The following GLIS1 variants were observed in gnomAD, a reference collection of about 807,000 sequenced individuals.
The protein encoded by GLIS1 is zinc finger protein GLIS1.
Under a neutral mutation model 63.8 loss-of-function variants are expected in GLIS1, and 24 were observed. That is an observed-to-expected ratio of 0.38 (90% confidence interval 0.27 to 0.53). The LOEUF is 0.53. Among genes scored for constraint, GLIS1 ranks in the 20% least tolerant of loss-of-function variants. The pLI, the probability that GLIS1 is intolerant of heterozygous loss-of-function variation, is 0.85. For missense variants in GLIS1, 1,036 were observed against 1,074.1 expected (o/e 0.96, Z 0.50); for synonymous variants, 450 against 482.5 (o/e 0.93, Z 0.88).
chr1:53,565,327 A>ATTTTTG (rs1644928027), intron 4 of GLIS1, among the ~76,000 whole-genome samples: 1 of 152,098 alleles, frequency 6.6e-6, no homozygotes, highest in Non-Finnish European at 1.5e-5. Flanking sequence ...CCATTTCAGA[A>ATTTTTG]ATTACAAAAG....
chr1:53,695,616 T>C (rs1476561400), intron 2 of GLIS1, among the ~76,000 whole-genome samples: 1 of 152,096 alleles, frequency 6.6e-6, no homozygotes, highest in Non-Finnish European at 1.5e-5. Flanking sequence ...CTCCACCCTG[T>C]GTCCTGGGAG....
chr1:53,680,966 C>T (rs1045046950), intron 2 of GLIS1, among the ~76,000 whole-genome samples: 26 of 152,224 alleles, frequency 1.7e-4, no homozygotes, highest in African/African-American at 6.0e-4. Flanking sequence ...AACACATCTA[C>T]CCTGAGCAGA....
intron 2 of GLIS1, among the ~76,000 whole-genome samples, chr1:53,602,185 G>C (rs1480715755): frequency 6.6e-6 from 1 of 152,156 alleles, no homozygotes; most frequent in African/African-American, 2.4e-5. Context: ...TTAATAACTG[G>C]GTTGTTTTTT....
chr1:53,586,167 G>A (rs1569869247), intron 4 of GLIS1, among the ~76,000 whole-genome samples: 1 of 152,170 alleles, frequency 6.6e-6, no homozygotes, highest in African/African-American at 2.4e-5. Context: ...TCCTTGTTAA[G>A]CCCAAGCCCC....
chr1:53,697,921 T>C (rs918026786), intron 2 of GLIS1, among the ~76,000 whole-genome samples: 11 of 152,144 alleles, frequency 7.2e-5, no homozygotes, highest in Admixed American at 7.2e-4. Context: ...GAACACTCTA[T>C]GTAAAATACA....
At chr1:53,543,221 CT>C (rs1644662208) in intron 4 of GLIS1, among the ~76,000 whole-genome samples, 1 of 150,996 alleles carries the variant, frequency 6.6e-6, no homozygotes, top group African/African-American at 2.5e-5. Flanking sequence ...ACAGAGAGCA[CT>C]AGCAGTCCTC....
chr1:53,522,418 C>T (rs116649612), intron 6 of GLIS1, among the ~76,000 whole-genome samples: 584 of 152,320 alleles, frequency 3.8e-3, no homozygotes, highest in African/African-American at 0.013. Flanking sequence ...GGCACTGGTC[C>T]GCTTGGGACA....
At chr1:53,508,359 C>T (rs72893315) in intron 10 of GLIS1, among the ~76,000 whole-genome samples, 2,541 of 152,282 alleles carry the variant, frequency 0.017, 78 homozygotes, top group African/African-American at 0.058. Context: ...CCTGTCCCTC[C>T]ACCCTCCCGC....
At chr1:53,588,246 G>T (rs1363228875) in intron 4 of GLIS1, among the ~76,000 whole-genome samples, 1 of 152,108 alleles carries the variant, frequency 6.6e-6, no homozygotes, top group African/African-American at 2.4e-5. Context: ...AGATTCAAAA[G>T]CAGTGTTCTT....
intron 2 of GLIS1, among the ~76,000 whole-genome samples, chr1:53,657,616 G>A (rs1008690741): frequency 3.3e-5 from 5 of 152,280 alleles, no homozygotes; most frequent in Middle Eastern, 3.4e-3. Context: ...AAGGCTATGT[G>A]GAGGGGGAGA....
intron 2 of GLIS1, among the ~76,000 whole-genome samples, chr1:53,716,805 A>C (rs1646702716): frequency 6.6e-6 from 1 of 152,136 alleles, no homozygotes. Flanking sequence ...CCGGCAGTAG[A>C]GAAATTATAT....
At chr1:53,626,305 C>T (rs1410585929) in intron 2 of GLIS1, among the ~76,000 whole-genome samples, 1 of 152,184 alleles carries the variant, frequency 6.6e-6, no homozygotes, top group Non-Finnish European at 1.5e-5. Flanking sequence ...CAGCCTCCCT[C>T]CACCACACCC....
intron 2 of GLIS1, among the ~76,000 whole-genome samples, chr1:53,689,295 C>T (rs998946743): frequency 1.3e-5 from 2 of 152,146 alleles, no homozygotes; most frequent in African/African-American, 4.8e-5. Context: ...GGGAAGGAGG[C>T]CTCAGAGGCT....
intron 4 of GLIS1, among the ~76,000 whole-genome samples, chr1:53,570,951 T>C (rs142132124): frequency 1.2e-4 from 18 of 152,146 alleles, no homozygotes; most frequent in African/African-American, 2.2e-4. Context: ...AAAGGAAAGA[T>C]TGATAAATTC....
At position 53,738,012 on chromosome 1, in the gene GLIS1, G is replaced by C. The variant is rs758674692; in HGVS notation, c.53C>G (p.Pro18Arg). ...GCCGCGGTCGGGGCCGGGCGCACCA[G>C]GGGCCTCCTTAGGCCTCTTGTCCGA... ...AHSDKRPKEA[P>R]GAPGPDRGPA... is the part of the protein sequence containing the mutation. The change falls in exon 2 of 11, where the codon CCT (proline) becomes CGT (arginine). Residue 18 changes from proline to arginine, a missense_variant. Pro to Arg is a moderately radical substitution (Grantham distance 103). This residue lies in a region of GLIS1 where 592 missense variants were observed against 593.9 expected (regional missense o/e 1.00). Transcript: ENST00000628545. 4 of 1,230,556 alleles carry C rather than the reference G, an allele frequency of 3.3e-6. No individual in the cohort carries two copies. The highest frequency in any genetic ancestry group is 4.1e-6 in the Non-Finnish European group (4 of 987,292). The allele number at this position is 1,230,556 out of a possible 1,614,324, so 76.2% of individuals were successfully genotyped here. A position where few individuals can be genotyped will look rare whatever the true frequency, so the allele number is the denominator to read the frequency against.
intron 4 of GLIS1, among the ~76,000 whole-genome samples, chr1:53,593,445 G>A (rs575045966): frequency 7.2e-5 from 11 of 152,330 alleles, no homozygotes; most frequent in African/African-American, 2.2e-4. Context: ...GTGTGCACGC[G>A]TGCATGCATG....
At chr1:53,582,020 CA>C (rs1322122777) in intron 4 of GLIS1, among the ~76,000 whole-genome samples, 7 of 152,280 alleles carry the variant, frequency 4.6e-5, no homozygotes, top group Admixed American at 1.3e-4. Context: ...TGCCCAGAAC[CA>C]CAGACAATTT....
intron 2 of GLIS1, chr1:53,734,235 T>C (rs554543683): frequency 2.1e-6 from 2 of 970,822 alleles, no homozygotes; most frequent in Non-Finnish European, 2.4e-6. Context: ...GTAAATTAAA[T>C]AGTGACCTCA....
At chr1:53,575,404 G>A (rs748597013) in intron 4 of GLIS1, among the ~76,000 whole-genome samples, 2 of 152,090 alleles carry the variant, frequency 1.3e-5, no homozygotes, top group Admixed American at 6.5e-5. Flanking sequence ...CCATGCTCTG[G>A]GCCTCACACA....
Sources: gnomAD v4.1 joint callset for allele counts (sites outside exome capture counted in the v4.1 genomes callset) on GRCh38, gnomAD v4.1.1 for gene constraint, gnomAD v4.1.1 regional missense constraint, MANE v1.5 for transcripts, NCBI Gene and HGNC (gene_info 2026-07-23, HGNC 2026-07-21) for gene names.